Variants in TP53BP1 observed in about 807,000 individuals in gnomAD.
TP53BP1 encodes the protein TP53-binding protein 1.
TP53BP1 carries 61 observed loss-of-function variants against 200.8 expected under a neutral mutation model. That is an observed-to-expected ratio of 0.30 (90% CI 0.25 to 0.38). The LOEUF (loss-of-function observed/expected upper bound fraction) is 0.38. TP53BP1 is among the 10% of genes least tolerant of loss of function. TP53BP1 has a pLI of 1.00. For missense variants in TP53BP1, 2,144 were observed against 2,371.9 expected (o/e 0.90, Z 2.00); for synonymous variants, 822 against 844.3 (o/e 0.97, Z 0.46).
chr15:43,497,770 G>A (rs906051090), upstream of TP53BP1, among the ~76,000 whole-genome samples: 4 of 152,200 alleles, frequency 2.6e-5, no homozygotes, highest in African/African-American at 9.6e-5. Flanking sequence ...CATAGCTTCA[G>A]TTTGGGAAGA....
At position 43,404,051 on chromosome 15, in the gene TP53BP1, C is replaced by A; in HGVS notation, c.*3332G>T. On this transcript the variant is annotated 3_prime_UTR_variant, in exon 28 of 28. Transcript: ENST00000382044. Reference sequence around the variant, plus strand: ...CCCATCAAATAAGCATTGGGTTGTTCTAACTTCCTCACATCCTCCCCCCTC... The same window carrying A: ...CCCATCAAATAAGCATTGGGTTGTTATAACTTCCTCACATCCTCCCCCCTC... The A allele has an allele frequency of 1.9e-6, 1 of 538,420 alleles. No homozygotes were observed. The highest frequency in any genetic ancestry group is 2.6e-5 in the South Asian group (1 of 38,958). 33.4% of individuals were successfully genotyped at this position (538,420 alleles called of 1,614,324 possible).
At chr15:43,503,895 G>C (rs1324379778) in intron 1 of TP53BP1, among the ~76,000 whole-genome samples, 2 of 152,142 alleles carry the variant, frequency 1.3e-5, no homozygotes, top group African/African-American at 4.8e-5. Context: ...AACATTCACA[G>C]ACTTTTTTTT....
At chr15:43,463,207 T>C (rs1024809791) in intron 11 of TP53BP1, among the ~76,000 whole-genome samples, 1 of 152,154 alleles carries the variant, frequency 6.6e-6, no homozygotes, top group Admixed American at 6.6e-5. Flanking sequence ...AATGAGAAAA[T>C]GTTAACTATC....
At chr15:43,453,627 G>C (rs1231531522) in intron 12 of TP53BP1, among the ~76,000 whole-genome samples, 2 of 151,370 alleles carry the variant, frequency 1.3e-5, no homozygotes, top group Non-Finnish European at 2.9e-5. Flanking sequence ...ACCTAAGCTG[G>C]AGTGCAGTGA....
At chr15:43,441,032 G>A (rs115812556) in intron 15 of TP53BP1, among the ~76,000 whole-genome samples, 9 of 152,302 alleles carry the variant, frequency 5.9e-5, no homozygotes, top group African/African-American at 2.2e-4. Context: ...CAAAACCTCA[G>A]TATGGGGTCA....
chr15:43,457,131 C>G lies in TP53BP1; in HGVS notation c.1477G>C (p.Glu493Gln). The G allele has an allele frequency of 6.2e-7, 1 of 1,614,052 alleles. No homozygotes were observed. ...GDMHSSSLTV[E>Q]CSKTSEIEPK... ...TCAATCTCTGAAGTTTTAGAACACT[C>G]AACTGTCAAAGATGAACTATGCATA... The change falls in exon 12 of 28, where the codon GAG becomes CAG. Residue 493 changes from glutamate to glutamine, a missense_variant. By Grantham distance (29) the Glu-to-Gln change is conservative. Around this residue, in one of 4 missense-constraint regions of TP53BP1, gnomAD observed 1,700 missense variants for 1,710.3 expected, o/e 0.99. Transcript: ENST00000382044.
At chr15:43,453,436 G>A (rs1177073130) in intron 12 of TP53BP1, among the ~76,000 whole-genome samples, 1 of 151,952 alleles carries the variant, frequency 6.6e-6, no homozygotes, top group Non-Finnish European at 1.5e-5. Context: ...GGAGACCTAG[G>A]TTCTAGTCTC....
intron 1 of TP53BP1, among the ~76,000 whole-genome samples, chr15:43,502,516 G>A (rs981401361): frequency 2.0e-5 from 3 of 150,814 alleles, no homozygotes; most frequent in African/African-American, 2.4e-5. Context: ...GTGCAGTAGC[G>A]CGATCTTGGC....
chr15:43,485,048 C>A (rs1188123940), intron 4 of TP53BP1, among the ~76,000 whole-genome samples: 2 of 152,112 alleles, frequency 1.3e-5, no homozygotes, highest in Non-Finnish European at 2.9e-5. Flanking sequence ...TGAAGCACTC[C>A]CTAGACACCC....
At chr15:43,481,813 CAAAA>C (rs34854110) in intron 4 of TP53BP1, among the ~76,000 whole-genome samples, 4 of 111,702 alleles carry the variant, frequency 3.6e-5, no homozygotes, top group African/African-American at 8.9e-5. Context: ...GACTCTGTCT[CAAAA>C]AAAAAAAAAA....
intron 12 of TP53BP1, among the ~76,000 whole-genome samples, chr15:43,450,724 C>T (rs1397101165): frequency 6.6e-6 from 1 of 152,160 alleles, no homozygotes; most frequent in Non-Finnish European, 1.5e-5. Context: ...GACAAGTTAT[C>T]TATAAATGGA....
rs1237442896 is a variant in TP53BP1 at position 43,457,238 on chromosome 15, G to A, written c.1390-20C>T. ...AATGTCCTAAGGAAGAACAGAAAGA[G>A]ACAAATTGTAATTTGTACATGATCA... On this transcript the variant is annotated intron_variant, in intron 11 of 27. Coordinates refer to ENST00000382044, the MANE Select transcript of TP53BP1 (RefSeq NM_001141980.3). 1.3e-6 allele frequency: 2 copies of A among 1,557,066 alleles called. No homozygotes were observed. Among genetic ancestry groups the A allele is most frequent in the South Asian group, 1.2e-5 (1 of 82,494 alleles).
At chr15:43,418,917 C>CT (rs1273475640) in intron 21 of TP53BP1, among the ~76,000 whole-genome samples, 2 of 152,196 alleles carry the variant, frequency 1.3e-5, no homozygotes, top group Non-Finnish European at 1.5e-5. Context: ...AAAACACTAA[C>CT]TTTAGAGAAG....
chr15:43,485,937 C>T (rs916184518), intron 4 of TP53BP1, among the ~76,000 whole-genome samples: 1 of 152,080 alleles, frequency 6.6e-6, no homozygotes, highest in Non-Finnish European at 1.5e-5. Flanking sequence ...AGACAAAAAA[C>T]AGTACTTTAG....
intron 4 of TP53BP1, among the ~76,000 whole-genome samples, chr15:43,483,560 A>C (rs1161625990): frequency 6.6e-6 from 1 of 152,206 alleles, no homozygotes; most frequent in Non-Finnish European, 1.5e-5. Flanking sequence ...ATATTTCATA[A>C]AAAGAGCATT....
At chr15:43,442,886 C>T (rs2045962692) in intron 14 of TP53BP1, among the ~76,000 whole-genome samples, 2 of 127,434 alleles carry the variant, frequency 1.6e-5, no homozygotes, top group African/African-American at 6.3e-5. Context: ...AGTGCAGTGG[C>T]ATGATCTCAG....
Position 43,404,158 on chromosome 15 carries a change from T to C in TP53BP1, c.*3225A>G, listed in dbSNP as rs1346960853. On this transcript the variant is annotated 3_prime_UTR_variant, in exon 28 of 28. Transcript: ENST00000382044. The stretch of plus-strand genomic sequence containing the variant: ...AACGGGTTCTCCCCAACCCCAGTAC[T>C]TGACAAAATACATTAACTGGAAACC... 3.7e-6 allele frequency: 2 copies of C among 539,782 alleles called. No individual in the cohort carries two copies. The highest frequency in any genetic ancestry group is 2.7e-5 in the South Asian group (1 of 37,124). 33.4% of individuals were successfully genotyped at this position (539,782 alleles called of 1,614,324 possible).
chr15:43,475,228 C>T (rs2078862843), intron 9 of TP53BP1, among the ~76,000 whole-genome samples: 1 of 152,202 alleles, frequency 6.6e-6, no homozygotes, highest in South Asian at 2.1e-4. Flanking sequence ...CTACTGTCAA[C>T]TTAACAACCT....
At chr15:43,426,803 T>C (rs1874570828) in intron 18 of TP53BP1, among the ~76,000 whole-genome samples, 1 of 146,210 alleles carries the variant, frequency 6.8e-6, no homozygotes, top group Non-Finnish European at 1.5e-5. Flanking sequence ...AGGTCAGGAG[T>C]TCAAGACCAG....
Sources: allele counts gnomAD v4.1 joint callset (sites outside exome capture counted in the v4.1 genomes callset), GRCh38; gene constraint gnomAD v4.1.1; regional missense constraint gnomAD v4.1.1; transcripts MANE v1.5; gene names NCBI Gene and HGNC (gene_info 2026-07-23, HGNC 2026-07-21).